ENPP3: variants seen among roughly 807,000 people sequenced by gnomAD.
ENPP3 encodes ectonucleotide pyrophosphatase/phosphodiesterase 3, also known as ectonucleotide pyrophosphatase/phosphodiesterase family member 3.
In ENPP3, 104 loss-of-function variants were observed where a neutral mutation model predicts 117.8. The ratio of observed to expected loss-of-function variants is 0.88; its 90% CI spans 0.75 to 1.04. The LOEUF is 1.04. Among genes scored for constraint, ENPP3 ranks in the 50% least tolerant of loss-of-function variants. The pLI is 0.00. For synonymous variants in ENPP3, 380 were observed against 349.9 expected, an observed-to-expected ratio of 1.09 and a Z score of -0.96; for missense variants, 1,026 against 1,051.9, an observed-to-expected ratio of 0.98 and a Z score of 0.34.
At chr6:131,718,576 T>C (rs1483599432) in intron 15 of ENPP3, 96 bp from the exon 16 acceptor site, 3 of 544,652 alleles carry the variant, frequency 5.5e-6, no homozygotes, top group East Asian at 6.7e-5. Flanking sequence ...AATTTACTTA[T>C]AAAATTTACA....
At chr6:131,690,805 A>C (rs1406792936) in intron 14 of ENPP3, among the ~76,000 whole-genome samples, 1 of 151,892 alleles carries the variant, frequency 6.6e-6, no homozygotes, top group Non-Finnish European at 1.5e-5. Flanking sequence ...GCCGATCTTG[A>C]GTAAAAACTG....
At chr6:131,662,799 T>C (rs770037710) in intron 6 of ENPP3, among the ~76,000 whole-genome samples, 8 of 152,184 alleles carry the variant, frequency 5.3e-5, no homozygotes, top group Non-Finnish European at 1.2e-4. Context: ...TTTAACAATA[T>C]TAAGTCTTCC....
At position 131,659,528 on chromosome 6, in the gene ENPP3, C is replaced by T. The variant is rs570942802; in HGVS notation, c.562+1108C>T. Among the ~76,000 whole-genome samples, 3 of 152,164 alleles carry T rather than the reference C, an allele frequency of 2.0e-5. No homozygotes were observed. In the East Asian group the frequency reaches 5.8e-4, roughly 29 times the overall value. ...AGTTATTAAAAATAGCTATTTGACT[C>T]TGGGTAAGTTGACTGACTTTTCTGG... On this transcript the variant is annotated intron_variant, in intron 6 of 24. Coordinates refer to ENST00000357639, the MANE Select transcript of ENPP3 (RefSeq NM_005021.5).
intron 15 of ENPP3, among the ~76,000 whole-genome samples, chr6:131,706,216 G>A (rs1159230650): frequency 7.6e-6 from 1 of 131,054 alleles, no homozygotes; most frequent in Non-Finnish European, 1.5e-5. Context: ...TCTTGGTAGA[G>A]ATGGGGTTTC....
chr6:131,654,251 G>A (rs771684852), intron 5 of ENPP3, among the ~76,000 whole-genome samples: 19 of 151,634 alleles, frequency 1.3e-4, no homozygotes, highest in Admixed American at 2.6e-4. Flanking sequence ...CTCCCATCTC[G>A]GCCTCGTAAG....
Position 131,710,179 on chromosome 6 carries a change from G to A in ENPP3, c.1413-8493G>A, listed in dbSNP as rs1344847281. ...CGTTGTGTCTTCTTCAAGCACAGCA[G>A]CCTGATCTTTCATCATTGGCAAGTG... On this transcript the variant is annotated intron_variant, in intron 15 of 24. Transcript: ENST00000357639. 9 of 1,612,918 alleles carry A rather than the reference G, an allele frequency of 5.6e-6. No individual in the cohort carries two copies. Among genetic ancestry groups the A allele is most frequent in the Non-Finnish European group, 7.6e-6 (9 of 1,179,600 alleles).
intron 3 of ENPP3, among the ~76,000 whole-genome samples, chr6:131,651,916 T>A (rs943050658): frequency 2.6e-5 from 4 of 152,218 alleles, no homozygotes; most frequent in Non-Finnish European, 5.9e-5. Flanking sequence ...AAGGCTAACA[T>A]TGATTTTAGT....
intron 15 of ENPP3, among the ~76,000 whole-genome samples, chr6:131,694,761 G>A: frequency 6.6e-6 from 1 of 151,696 alleles, no homozygotes; most frequent in East Asian, 1.9e-4. Flanking sequence ...TTGAACCCGG[G>A]AGGCGGAGGT....
chr6:131,688,258 G>A (rs559280078), intron 14 of ENPP3, among the ~76,000 whole-genome samples: 6 of 152,148 alleles, frequency 3.9e-5, no homozygotes, highest in South Asian at 4.2e-4. Flanking sequence ...GCTGTTTCCC[G>A]TCCCCCTCCT....
At chr6:131,668,664 A>AT (rs1263251531) in intron 6 of ENPP3, among the ~76,000 whole-genome samples, 1 of 151,870 alleles carries the variant, frequency 6.6e-6, no homozygotes, top group Non-Finnish European at 1.5e-5. Context: ...TTAGTACTTT[A>AT]TTTTTTTAAT....
chr6:131,726,362 G>A (rs1322000842), intron 20 of ENPP3, among the ~76,000 whole-genome samples, 162 bp downstream of exon 20: 1 of 152,224 alleles, frequency 6.6e-6, no homozygotes, highest in Non-Finnish European at 1.5e-5. Flanking sequence ...GGTTGTTATA[G>A]GTGCTACACG....
At chr6:131,675,614 G>C (rs1301461220) in intron 9 of ENPP3, among the ~76,000 whole-genome samples, 1 of 152,102 alleles carries the variant, frequency 6.6e-6, no homozygotes, top group Non-Finnish European at 1.5e-5. Flanking sequence ...GATCACCTGA[G>C]GTCAGGAGTT....
At position 131,718,867 on chromosome 6, in the gene ENPP3, T is replaced by C. The variant is rs530459865; in HGVS notation, c.1479+129T>C. On this transcript the variant is annotated intron_variant, in intron 16 of 24. Coordinates refer to ENST00000357639, the MANE Select transcript of ENPP3 (RefSeq NM_005021.5). ...CATACAGATTATTTCATTACTCAGA[T>C]GTTAAGCCTAGTTACTGCTTTTTTA... 5.6e-6 allele frequency: 3 copies of C among 535,558 alleles called. No individual in the cohort carries two copies. The South Asian group carries it at 1.0e-4, about 18-fold the overall frequency. 33.2% of individuals were successfully genotyped at this position (535,558 alleles called of 1,614,324 possible). A position where few individuals can be genotyped will look rare whatever the true frequency, so the allele number is the denominator to read the frequency against.
intron 14 of ENPP3, among the ~76,000 whole-genome samples, chr6:131,691,608 GA>G (rs113719227): frequency 0.019 from 2,832 of 146,110 alleles, 88 homozygotes; most frequent in African/African-American, 0.066. Flanking sequence ...AAAAGAAAGA[GA>G]AAAAAAAAAG....
In ENPP3 at chr6:131,699,235, C is replaced by CAAAAA. The variant is rs4053087; in HGVS notation, c.1412+5628_1412+5632dup. Among the ~76,000 whole-genome samples the CAAAAA allele has an allele frequency of 5.0e-3, 540 of 107,776 alleles. 2 individuals carry two copies. The highest frequency in any genetic ancestry group is 0.02 in the African/African-American group (511 of 25,556). The allele number at this position is 107,776 out of a possible 152,430, so 70.7% of individuals were successfully genotyped here. A position where few individuals can be genotyped will look rare whatever the true frequency, so the allele number is the denominator to read the frequency against. ...CCTGGGCTATAGAGCAAGACTGTCT[C>CAAAAA]AAAAAAAAAAAAAAAAAAAAAGGAT... is the stretch of plus-strand genomic sequence containing the variant. On this transcript the variant is annotated intron_variant, in intron 15 of 24. Transcript: ENST00000357639.
intron 6 of ENPP3, among the ~76,000 whole-genome samples, chr6:131,666,487 A>G (rs1407498785): frequency 1.3e-5 from 2 of 152,158 alleles, no homozygotes; most frequent in African/African-American, 2.4e-5. Context: ...CCCATCATGC[A>G]TATATTAATC....
At position 131,740,269 on chromosome 6, in the gene ENPP3, G is replaced by A. The variant is rs1333738732; in HGVS notation, c.2346G>A (p.Val782=). 3 of 1,612,594 alleles carry A rather than the reference G, an allele frequency of 1.9e-6. No individual in the cohort carries two copies. Among genetic ancestry groups the A allele is most frequent in the East Asian group, 4.5e-5 (2 of 44,800 alleles). ...TDVPIPTHYF[V]VLTSCKNKSH... ...TTCCCATCCCAACACACTACTTTGT[G>A]GTGCTGACCAGTTGTAAAAACAAGA... Residue 782 remains valine (V), a synonymous_variant, in exon 24 of 25, where the codon GTG becomes GTA. Coordinates refer to ENST00000357639, the MANE Select transcript of ENPP3 (RefSeq NM_005021.5).
intron 1 of ENPP3, chr6:131,638,378 C>T: frequency 3.2e-6 from 1 of 314,814 alleles, no homozygotes; most frequent in Non-Finnish European, 6.2e-6. Context: ...TTCACTAAAC[C>T]CTATCTAAGA....
chr6:131,730,677 A>T (rs1426317705), intron 20 of ENPP3, among the ~76,000 whole-genome samples: 2 of 152,186 alleles, frequency 1.3e-5, no homozygotes, highest in Non-Finnish European at 2.9e-5. Context: ...GCACTTTGGG[A>T]CGCTGAGTGG....
Sources: gnomAD v4.1 joint callset for allele counts (sites outside exome capture counted in the v4.1 genomes callset) on GRCh38, gnomAD v4.1.1 for gene constraint, MANE v1.5 for transcripts, NCBI Gene and HGNC (gene_info 2026-07-23, HGNC 2026-07-21) for gene names.